Variants in NDST4 observed in about 807,000 individuals in gnomAD.
The protein encoded by NDST4 is N-deacetylase and N-sulfotransferase 4.
NDST4 carries 63 observed loss-of-function variants against 100.8 expected under a neutral mutation model. The observed-to-expected ratio is 0.62, with a 90% CI of 0.51 to 0.77. The LOEUF is 0.77. Among genes scored for constraint, NDST4 ranks in the 30% least tolerant of loss-of-function variants. The probability of loss-of-function intolerance (pLI) is 0.00; values close to 1 mark genes in which losing one functional copy is unlikely to be tolerated. For synonymous variants in NDST4, 377 were observed against 361.8 expected (o/e 1.04, Z -0.48); for missense variants, 943 against 1,018.4 (o/e 0.93, Z 1.01).
chr4:115,083,084 T>G (rs574070369), intron 1 of NDST4, among the ~76,000 whole-genome samples: 26 of 152,080 alleles, frequency 1.7e-4, no homozygotes, highest in South Asian at 8.3e-4. Flanking sequence ...CTTCATGCGT[T>G]TTTTTGTTGG....
chr4:114,991,485 T>TATG (rs1727038572), intron 2 of NDST4, among the ~76,000 whole-genome samples: 1 of 152,056 alleles, frequency 6.6e-6, no homozygotes, highest in Non-Finnish European at 1.5e-5. Context: ...AGAACTATTT[T>TATG]TTAATAACAT....
chr4:115,021,799 T>C (rs569988508), intron 2 of NDST4, among the ~76,000 whole-genome samples: 1 of 151,928 alleles, frequency 6.6e-6, no homozygotes, highest in East Asian at 1.9e-4. Context: ...CTTCCACATC[T>C]ATACACATTC....
At chr4:114,900,812 C>T (rs1297898826) in intron 6 of NDST4, among the ~76,000 whole-genome samples, 2 of 152,112 alleles carry the variant, frequency 1.3e-5, no homozygotes, top group Admixed American at 1.3e-4. Flanking sequence ...ACTGCTTTTG[C>T]TGCATCTCAC....
intron 1 of NDST4, among the ~76,000 whole-genome samples, chr4:115,081,441 G>A (rs911965443): frequency 2.0e-5 from 3 of 152,222 alleles, no homozygotes; most frequent in Admixed American, 6.5e-5. Context: ...TGTAGTCTGT[G>A]ATTAGTTTGA....
intron 2 of NDST4, among the ~76,000 whole-genome samples, chr4:114,980,179 T>A (rs963970677): frequency 1.8e-4 from 28 of 152,222 alleles, no homozygotes; most frequent in African/African-American, 6.8e-4. Flanking sequence ...CAAATTTAAC[T>A]TATTCTTTTA....
chr4:114,951,001 C>T (rs77477077), intron 4 of NDST4, among the ~76,000 whole-genome samples: 2,563 of 151,650 alleles, frequency 0.017, 64 homozygotes, highest in African/African-American at 0.054. Flanking sequence ...GCATATTCAT[C>T]GTCTGTTGAG....
intron 2 of NDST4, among the ~76,000 whole-genome samples, chr4:115,073,520 T>G (rs1341068846): frequency 6.6e-6 from 1 of 151,968 alleles, no homozygotes; most frequent in Non-Finnish European, 1.5e-5. Context: ...TGTGACAACA[T>G]GGATGAACTA....
At chr4:115,082,843 A>T (rs1729330010) in intron 1 of NDST4, among the ~76,000 whole-genome samples, 1 of 152,216 alleles carries the variant, frequency 6.6e-6, no homozygotes, top group Admixed American at 6.5e-5. Flanking sequence ...CAGCATAATT[A>T]AATAATTTAA....
chr4:114,841,575 G>GA (rs1723428023), intron 10 of NDST4, among the ~76,000 whole-genome samples: 2 of 151,866 alleles, frequency 1.3e-5, no homozygotes, highest in African/African-American at 2.4e-5. Flanking sequence ...TAATCTATGT[G>GA]GAAAAAAAAG....
intron 6 of NDST4, among the ~76,000 whole-genome samples, chr4:114,920,683 C>A (rs1409861301): frequency 6.6e-6 from 1 of 152,116 alleles, no homozygotes; most frequent in Non-Finnish European, 1.5e-5. Flanking sequence ...AAGAACATGA[C>A]CTTTTCTTTA....
At chr4:114,988,552 G>T (rs1726965360) in intron 2 of NDST4, among the ~76,000 whole-genome samples, 2 of 151,210 alleles carry the variant, frequency 1.3e-5, no homozygotes. Context: ...TAGTAGAGAT[G>T]GGGTTTCACT....
intron 12 of NDST4, among the ~76,000 whole-genome samples, chr4:114,832,933 C>T (rs1379590010): frequency 2.0e-5 from 3 of 152,174 alleles, no homozygotes; most frequent in Non-Finnish European, 2.9e-5. Flanking sequence ...GTAAAGGAGA[C>T]TCCAGATGAT....
chr4:114,921,564 G>T lies in NDST4; in HGVS notation c.1536+13642C>A, dbSNP rs555723829. ...TGCAACCAAATTATTTATATTTTTT[G>T]TCCAAAAAATAAAATCACTTGCTTT... On this transcript the variant is annotated intron_variant, in intron 6 of 13. Coordinates refer to ENST00000264363, the MANE Select transcript of NDST4 (RefSeq NM_022569.3). 3.3e-4 allele frequency among the ~76,000 whole-genome samples: 50 copies of T among 152,070 alleles called. 1 individual carries two copies. Among genetic ancestry groups the T allele is most frequent in the African/African-American group, 1.1e-3 (46 of 41,488 alleles).
At chr4:115,061,306 G>C (rs940437086) in intron 2 of NDST4, among the ~76,000 whole-genome samples, 1 of 151,976 alleles carries the variant, frequency 6.6e-6, no homozygotes, top group Non-Finnish European at 1.5e-5. Context: ...TCAATCTACT[G>C]TAAAGACACA....
At chr4:115,042,982 A>G (rs1447166252) in intron 2 of NDST4, among the ~76,000 whole-genome samples, 1 of 151,984 alleles carries the variant, frequency 6.6e-6, no homozygotes, top group Non-Finnish European at 1.5e-5. Flanking sequence ...TTTTTCAAAT[A>G]TTTAAAAATC....
intron 3 of NDST4, among the ~76,000 whole-genome samples, chr4:114,974,255 A>C (rs1726581400): frequency 6.6e-6 from 1 of 151,758 alleles, no homozygotes; most frequent in African/African-American, 2.4e-5. Flanking sequence ...CTTTTAACTA[A>C]TTCTCCACAC....
chr4:114,983,894 T>A (rs1726837947), intron 2 of NDST4, among the ~76,000 whole-genome samples: 1 of 152,128 alleles, frequency 6.6e-6, no homozygotes, highest in Admixed American at 6.5e-5. Context: ...ATCCCCCAAG[T>A]GCAGTCTTGT....
intron 1 of NDST4, among the ~76,000 whole-genome samples, chr4:115,100,941 G>A (rs541948657): frequency 6.6e-6 from 1 of 151,490 alleles, no homozygotes; most frequent in Non-Finnish European, 1.5e-5. Flanking sequence ...TATGTTGTTT[G>A]TTAAAGAGAC....
At chr4:114,890,037 T>A (rs920371826) in intron 6 of NDST4, among the ~76,000 whole-genome samples, 1 of 152,198 alleles carries the variant, frequency 6.6e-6, no homozygotes, top group Non-Finnish European at 1.5e-5. Flanking sequence ...ATGCTTTATA[T>A]CACTCCAAAT....
Sources: gnomAD v4.1 joint callset for allele counts (sites outside exome capture counted in the v4.1 genomes callset) on GRCh38, gnomAD v4.1.1 for gene constraint, MANE v1.5 for transcripts, NCBI Gene and HGNC (gene_info 2026-07-23, HGNC 2026-07-21) for gene names.